CATSPERD: variants seen among roughly 807,000 people sequenced by gnomAD.
CATSPERD encodes the protein catsper channel auxiliary subunit delta, also known as cation channel sperm-associated auxiliary subunit delta.
In CATSPERD, 86 loss-of-function variants were observed where a neutral mutation model predicts 98.1. The observed-to-expected ratio is 0.88, with a 90% CI of 0.74 to 1.05. The LOEUF (loss-of-function observed/expected upper bound fraction) is 1.05, where lower values mean the gene tolerates loss of function less well. Ranked by LOEUF, CATSPERD falls within the 50% of genes least tolerant of loss-of-function variation. CATSPERD has a pLI of 0.00. For missense variants in CATSPERD, 995 were observed against 1,005.7 expected, an observed-to-expected ratio of 0.99 and a Z score of 0.14; for synonymous variants, 394 against 390.2, an observed-to-expected ratio of 1.01 and a Z score of -0.12.
At chr19:5,740,093 C>G (rs1385394953) in intron 7 of CATSPERD, among the ~76,000 whole-genome samples, 1 of 151,740 alleles carries the variant, frequency 6.6e-6, no homozygotes. Context: ...ACCAGCCTGA[C>G]TAACATGGAG....
intron 15 of CATSPERD, 73 bp from the exon 16 acceptor site, chr19:5,763,142 G>A (rs1419033909): frequency 9.0e-7 from 1 of 1,114,446 alleles, no homozygotes; most frequent in Non-Finnish European, 1.4e-6. Flanking sequence ...ATGGACTGAA[G>A]GATGAATGGA....
At chr19:5,758,924 A>C (rs2056380147) in intron 14 of CATSPERD, among the ~76,000 whole-genome samples, 162 bp from the exon 15 acceptor site, 2 of 117,320 alleles carry the variant, frequency 1.7e-5, no homozygotes, top group South Asian at 5.7e-4. Context: ...ACTCCATCTC[A>C]AAAAAAAAAA....
chr19:5,726,931 C>T (rs1358131052), intron 2 of CATSPERD, among the ~76,000 whole-genome samples: 5 of 152,156 alleles, frequency 3.3e-5, no homozygotes, highest in South Asian at 4.1e-4. Flanking sequence ...TGGTGGCTCA[C>T]GCCTGTAATC....
intron 11 of CATSPERD, among the ~76,000 whole-genome samples, chr19:5,750,533 G>C (rs1333674823): frequency 6.7e-6 from 1 of 150,190 alleles, no homozygotes; most frequent in East Asian, 2.0e-4. Flanking sequence ...TTGGTTCCAG[G>C]AGTTCATGAC....
chr19:5,760,309 G>A (rs1382618736), intron 15 of CATSPERD, among the ~76,000 whole-genome samples: 3 of 151,222 alleles, frequency 2.0e-5, no homozygotes, highest in East Asian at 2.0e-4. Flanking sequence ...TGAGGCAGGA[G>A]AATCGCTTGA....
In CATSPERD at chr19:5,753,767, G is replaced by C. The variant is rs1340728117; in HGVS notation, c.1165-365G>C. On this transcript the variant is annotated intron_variant, in intron 12 of 21. Coordinates refer to ENST00000381624, the MANE Select transcript of CATSPERD (RefSeq NM_152784.4). ...GCACGCCTGTAGTCCTGGCTACTTG[G>C]GAGGCTGAGGGAAGAGGATTGCTTG... 3 of 245,194 alleles carry C rather than the reference G, an allele frequency of 1.2e-5. No individual in the cohort carries two copies. The South Asian group carries it at 1.5e-4, about 12-fold the overall frequency. 15.2% of individuals were successfully genotyped at this position (245,194 alleles called of 1,614,324 possible). A position where few individuals can be genotyped will look rare whatever the true frequency, so the allele number is the denominator to read the frequency against.
intron 8 of CATSPERD, 151 bp downstream of exon 8, chr19:5,744,661 C>T (rs548560241): frequency 1.6e-5 from 7 of 445,084 alleles, no homozygotes; most frequent in African/African-American, 8.3e-5. Flanking sequence ...AGTGCAGTGG[C>T]GCAATCTCAG....
chr19:5,768,389 T>G, intron 18 of CATSPERD, 147 bp downstream of exon 18: 1 of 373,710 alleles, frequency 2.7e-6, no homozygotes, highest in Non-Finnish European at 4.2e-6. Context: ...CAGGCTGGAG[T>G]GCAGTGGCGC....
chr19:5,724,670 G>T, intron 1 of CATSPERD, 138 bp from the exon 2 acceptor site: 1 of 813,214 alleles, frequency 1.2e-6, no homozygotes, highest in Non-Finnish European at 2.0e-6. Flanking sequence ...CTGCACTCCA[G>T]CCTGGGCGAC....
intron 20 of CATSPERD, among the ~76,000 whole-genome samples, chr19:5,773,927 A>C (rs1403456581): frequency 6.6e-6 from 1 of 151,202 alleles, no homozygotes; most frequent in Non-Finnish European, 1.5e-5. Flanking sequence ...CATGCAGCAA[A>C]GCCACCAGCA....
At chr19:5,776,349 C>T (rs768694319) in intron 21 of CATSPERD, 34 bp downstream of exon 21, 29 of 1,605,950 alleles carry the variant, frequency 1.8e-5, no homozygotes, top group African/African-American at 5.3e-5. Flanking sequence ...CGACAGGGGA[C>T]GCCTGGTGCC....
chr19:5,762,414 A>G (rs1241406761), intron 15 of CATSPERD, among the ~76,000 whole-genome samples: 1 of 152,054 alleles, frequency 6.6e-6, no homozygotes, highest in Non-Finnish European at 1.5e-5. Flanking sequence ...CACTATCACA[A>G]GAACACCAAG....
intron 7 of CATSPERD, among the ~76,000 whole-genome samples, chr19:5,742,195 CGTGTACAT>C (rs1170823320): frequency 2.2e-5 from 3 of 136,668 alleles, no homozygotes; most frequent in African/African-American, 2.8e-5. Context: ...AACGTGTGTG[CGTGTACAT>C]GTGTGCATGT....
At chr19:5,735,774 ATTTT>A (rs34107835) in intron 5 of CATSPERD, among the ~76,000 whole-genome samples, 1 of 102,050 alleles carries the variant, frequency 9.8e-6, no homozygotes, top group Admixed American at 1.2e-4. Flanking sequence ...TGCCCGGCTA[ATTTT>A]TTTTTTTTTT....
intron 16 of CATSPERD, among the ~76,000 whole-genome samples, chr19:5,765,422 ATTCATTCATTCATTCATTC>A (rs2056519489): frequency 3.1e-5 from 1 of 32,108 alleles, no homozygotes; most frequent in Non-Finnish European, 7.8e-5. Context: ...TCATTCATTC[ATTCATTCATTCATTCATTC>A]ATTCATTCAT....
chr19:5,776,785 A>G (rs1340487367), intron 21 of CATSPERD, among the ~76,000 whole-genome samples: 36 of 152,018 alleles, frequency 2.4e-4, no homozygotes, highest in Admixed American at 2.4e-3. Flanking sequence ...GAGGCAGGAG[A>G]ATCGCTTGAA....
intron 5 of CATSPERD, among the ~76,000 whole-genome samples, chr19:5,735,811 C>T (rs2055834392): frequency 8.5e-6 from 1 of 117,338 alleles, no homozygotes; most frequent in Non-Finnish European, 1.7e-5. Flanking sequence ...GCGTCTTGCT[C>T]TGTCACCCAG....
At chr19:5,766,038 G>T in intron 16 of CATSPERD, 65 bp from the exon 17 acceptor site, 1 of 1,280,458 alleles carries the variant, frequency 7.8e-7, no homozygotes, top group South Asian at 1.3e-5. Context: ...TCCCTGTATA[G>T]GGTTCACTGT....
At position 5,738,179 on chromosome 19, in the gene CATSPERD, G is replaced by A. The variant is rs372759037; in HGVS notation, c.459+974G>A. On this transcript the variant is annotated intron_variant, in intron 6 of 21. Transcript: ENST00000381624. ...TCCCAGCAGTTTGGGAGGCTGAGGC[G>A]GGCAGATCACAAGGTCAGGAGTTCG... Among the ~76,000 whole-genome samples, 8 of 151,570 alleles carry A rather than the reference G, an allele frequency of 5.3e-5. No individual in the cohort carries two copies. In the East Asian group the frequency reaches 5.9e-4, roughly 11 times the overall value.
Sources: gnomAD v4.1 joint callset for allele counts (sites outside exome capture counted in the v4.1 genomes callset) on GRCh38, gnomAD v4.1.1 for gene constraint, MANE v1.5 for transcripts, NCBI Gene and HGNC (gene_info 2026-07-23, HGNC 2026-07-21) for gene names.